The following NDRG1 variants were observed in gnomAD, a reference collection of about 807,000 sequenced individuals.
NDRG1 encodes the protein N-myc downstream regulated 1.
In NDRG1, 32 loss-of-function variants were observed where a neutral mutation model predicts 56.9. That is an observed-to-expected ratio of 0.56 (90% CI 0.42 to 0.76). The LOEUF (loss-of-function observed/expected upper bound fraction) is 0.76, where lower values mean the gene tolerates loss of function less well. NDRG1 is among the 30% of genes least tolerant of loss of function. The pLI, the probability that NDRG1 is intolerant of heterozygous loss-of-function variation, is 0.00. For missense variants in NDRG1, 507 were observed against 545.7 expected (o/e 0.93, Z 0.71); for synonymous variants, 211 against 204.1 (o/e 1.03, Z -0.29).
At chr8:133,290,886 G>A (rs1251908338) in intron 1 of NDRG1, among the ~76,000 whole-genome samples, 1 of 152,226 alleles carries the variant, frequency 6.6e-6, no homozygotes, top group Non-Finnish European at 1.5e-5. Flanking sequence ...CAAGGAGGTT[G>A]CCCCGGGAGA....
At position 133,264,125 on chromosome 8, in the gene NDRG1, G is replaced by T. The variant is rs1411609082; in HGVS notation, c.205+422C>A. On this transcript the variant is annotated intron_variant, in intron 4 of 15. Coordinates refer to ENST00000323851, the MANE Select transcript of NDRG1 (RefSeq NM_006096.4). ...TTGATTCAATGTATACAAAATTCCA[G>T]AACAGGCAAATTCACAGAAAAGGAA... Among the ~76,000 whole-genome samples the T allele has an allele frequency of 3.3e-5, 5 of 152,130 alleles. No individual in the cohort carries two copies. The East Asian group carries it at 7.7e-4, about 24-fold the overall frequency.
At chr8:133,286,076 C>T (rs533892933) in intron 1 of NDRG1, among the ~76,000 whole-genome samples, 66 of 152,306 alleles carry the variant, frequency 4.3e-4, no homozygotes, top group African/African-American at 1.6e-3. Flanking sequence ...CTCACTGTCC[C>T]ACCAGGTGGG....
chr8:133,265,541 C>T (rs547226479), intron 3 of NDRG1, among the ~76,000 whole-genome samples: 2 of 152,174 alleles, frequency 1.3e-5, no homozygotes, highest in Non-Finnish European at 2.9e-5. Context: ...TCCCTCCTGC[C>T]CTTCCTTCTT....
intron 15 of NDRG1, chr8:133,241,334 G>T (rs1402496981): frequency 6.4e-6 from 1 of 156,478 alleles, no homozygotes; most frequent in Non-Finnish European, 1.4e-5. Flanking sequence ...TGGAAAAAAG[G>T]CTGTATGTGT....
In NDRG1 at chr8:133,238,822, G is replaced by T; in HGVS notation, c.*56C>A. On this transcript the variant is annotated 3_prime_UTR_variant, in exon 16 of 16. Transcript: ENST00000323851. ...CAGGCAGGGGGCGAAAAGGGGCCGG[G>T]GAGGAGGGGGCCACTACAGAGATCA... The T allele has an allele frequency of 1.3e-6, 2 of 1,522,046 alleles. No individual in the cohort carries two copies. Among genetic ancestry groups the T allele is most frequent in the Non-Finnish European group, 1.8e-6 (2 of 1,137,996 alleles). The allele number at this position is 1,522,046 out of a possible 1,614,324, so 94.3% of individuals were successfully genotyped here.
At chr8:133,245,753 C>A (rs1855637846) in intron 13 of NDRG1, among the ~76,000 whole-genome samples, 1 of 152,198 alleles carries the variant, frequency 6.6e-6, no homozygotes, top group African/African-American at 2.4e-5. Context: ...CTTGTGACAA[C>A]CGCCCTCAAA....
intron 14 of NDRG1, among the ~76,000 whole-genome samples, chr8:133,242,454 T>C (rs1855439154): frequency 6.6e-6 from 1 of 152,250 alleles, no homozygotes; most frequent in Non-Finnish European, 1.5e-5. Flanking sequence ...TTTGCTGCGT[T>C]CATTCATTTA....
intron 1 of NDRG1, among the ~76,000 whole-genome samples, chr8:133,291,330 C>T (rs546575508): frequency 1.3e-5 from 2 of 152,256 alleles, no homozygotes; most frequent in South Asian, 4.1e-4. Flanking sequence ...CAGAAAATTG[C>T]CGAGAACAGC....
intron 3 of NDRG1, among the ~76,000 whole-genome samples, chr8:133,266,651 G>A (rs1159674558): frequency 1.3e-5 from 2 of 152,142 alleles, no homozygotes; most frequent in Admixed American, 6.5e-5. Flanking sequence ...GCTGGTGATC[G>A]GATTCCACCT....
chr8:133,260,457 C>T (rs1856606036), intron 5 of NDRG1, among the ~76,000 whole-genome samples: 1 of 152,190 alleles, frequency 6.6e-6, no homozygotes, highest in African/African-American at 2.4e-5. Flanking sequence ...ACATAGTAAA[C>T]TAGGGGGAAA....
At chr8:133,296,357 T>C (rs4236901) in intron 1 of NDRG1, 248,222 of 407,638 alleles carry the variant, frequency 0.61, 78,871 homozygotes, top group African/African-American at 0.84. Context: ...CTCGCCCAGG[T>C]CACTTCTCCC....
intron 15 of NDRG1, chr8:133,241,780 C>A (rs1855395748): frequency 3.4e-6 from 2 of 594,716 alleles, no homozygotes; most frequent in East Asian, 5.6e-5. Context: ...TCTAAACCCC[C>A]CAAAATCCCT....
rs779633074 is a variant in NDRG1, at chr8:133,246,669, C to A, written c.808-6G>T. 1.7e-5 allele frequency: 27 copies of A among 1,613,934 alleles called. No individual in the cohort carries two copies. The Middle Eastern group carries it at 6.6e-4, about 39-fold the overall frequency. ...AATTTTGAGTTGCACTCCACCTGCA[C>A]AAGAGGGAGGAAATCTGTTAATTTT... On this transcript the variant is annotated splice_region_variant and splice_polypyrimidine_tract_variant and intron_variant, in intron 12 of 15. Transcript: ENST00000323851.
chr8:133,275,855 C>T (rs143271752), intron 3 of NDRG1, among the ~76,000 whole-genome samples: 1 of 152,334 alleles, frequency 6.6e-6, no homozygotes, highest in East Asian at 1.9e-4. Context: ...GCCGTAAGCA[C>T]ACGTGGGGCA....
chr8:133,255,128 A>C, intron 8 of NDRG1: 1 of 360,314 alleles, frequency 2.8e-6, no homozygotes, highest in Non-Finnish European at 5.5e-6. Flanking sequence ...TATAAGTCCT[A>C]GTATACAGCA....
chr8:133,258,154 G>A (rs1856474938), intron 7 of NDRG1, among the ~76,000 whole-genome samples: 1 of 152,060 alleles, frequency 6.6e-6, no homozygotes, highest in African/African-American at 2.4e-5. Context: ...ACAAAGGAAT[G>A]TGTCCAGTAT....
rs1855783791 is a variant in NDRG1, at chr8:133,247,939, A to G, written c.756-13T>C. 1.9e-6 allele frequency: 3 copies of G among 1,613,830 alleles called. No individual in the cohort carries two copies. Among genetic ancestry groups the G allele is most frequent in the Non-Finnish European group, 2.5e-6 (3 of 1,179,880 alleles). On this transcript the variant is annotated splice_polypyrimidine_tract_variant and intron_variant, in intron 11 of 15. Transcript: ENST00000323851. The stretch of plus-strand genomic sequence containing the variant: ...CAGAGCAGGGCACCTGGGGTCAGGG[A>G]TAGAGCAGAGAATTAGCACAAGGTT...
At chr8:133,246,691 T>C in intron 12 of NDRG1, 28 bp from the exon 13 acceptor site, 1 of 1,613,520 alleles carries the variant, frequency 6.2e-7, no homozygotes, top group Non-Finnish European at 8.5e-7. Context: ...AATCTGTTAA[T>C]TTTCTACGTG....
chr8:133,252,080 A>T (rs1856082130), intron 9 of NDRG1, among the ~76,000 whole-genome samples: 1 of 152,094 alleles, frequency 6.6e-6, no homozygotes, highest in African/African-American at 2.4e-5. Flanking sequence ...GCTGTGAGAG[A>T]ATACACTTTT....
Sources: allele counts gnomAD v4.1 joint callset (sites outside exome capture counted in the v4.1 genomes callset), GRCh38; gene constraint gnomAD v4.1.1; transcripts MANE v1.5; gene names NCBI Gene and HGNC (gene_info 2026-07-23, HGNC 2026-07-21).